TENM2: variants seen among roughly 807,000 people sequenced by gnomAD.
TENM2 encodes the protein teneurin transmembrane protein 2.
In TENM2, 52 loss-of-function variants were observed where a neutral mutation model predicts 245.2. The observed-to-expected ratio is 0.21, with a 90% confidence interval of 0.17 to 0.27. The LOEUF (loss-of-function observed/expected upper bound fraction) is 0.27. TENM2 is among the 10% of genes least tolerant of loss of function. TENM2 has a pLI of 1.00. For missense variants in TENM2, 3,046 were observed against 3,666.8 expected (o/e 0.83, Z 4.37); for synonymous variants, 1,363 against 1,438.9 (o/e 0.95, Z 1.19).
At chr5:167,795,466 A>G (rs1765253315) in intron 2 of TENM2, among the ~76,000 whole-genome samples, 1 of 152,132 alleles carries the variant, frequency 6.6e-6, no homozygotes, top group Admixed American at 6.6e-5. Flanking sequence ...TGGGTTTTGG[A>G]AAAGATGTTA....
chr5:167,074,159 C>G, the TENM2 span, among the ~76,000 whole-genome samples: 1 of 152,132 alleles, frequency 6.6e-6, no homozygotes, highest in South Asian at 2.1e-4. Flanking sequence ...AGAACATCAG[C>G]TACAGCATAT....
At chr5:166,999,507 TGTG>T in the TENM2 span, among the ~76,000 whole-genome samples, 1 of 152,020 alleles carries the variant, frequency 6.6e-6, no homozygotes, top group African/African-American at 2.4e-5. Context: ...AAAAGATCAT[TGTG>T]GTGATTTTGT....
intron 2 of TENM2, among the ~76,000 whole-genome samples, chr5:167,741,930 C>G (rs903703139): frequency 6.6e-6 from 1 of 152,064 alleles, no homozygotes; most frequent in Admixed American, 6.6e-5. Context: ...TTGAAGCCAC[C>G]CTTTTCTGTT....
intron 2 of TENM2, among the ~76,000 whole-genome samples, chr5:167,595,316 G>A (rs536446902): frequency 6.6e-6 from 1 of 152,118 alleles, no homozygotes; most frequent in East Asian, 1.9e-4. Flanking sequence ...AACTCTTAAG[G>A]TGCCAAGAAA....
At chr5:167,230,298 T>C in the TENM2 span, among the ~76,000 whole-genome samples, 2 of 152,198 alleles carry the variant, frequency 1.3e-5, no homozygotes, top group African/African-American at 4.8e-5. Context: ...GGGGGTCTCT[T>C]ACTAAACCTT....
At chr5:168,249,238 C>T (rs1766876302) in intron 27 of TENM2, among the ~76,000 whole-genome samples, 1 of 151,888 alleles carries the variant, frequency 6.6e-6, no homozygotes, top group South Asian at 2.1e-4. Context: ...AATGAGTGAG[C>T]GTAAGTATCG....
the TENM2 span, among the ~76,000 whole-genome samples, chr5:167,158,903 CCTTCCTCTTCCT>C: frequency 7.4e-6 from 1 of 135,968 alleles, no homozygotes; most frequent in Non-Finnish European, 1.6e-5. Context: ...TTCCTTCCTT[CCTTCCTCTTCCT>C]CTCTCTCTCT....
chr5:167,001,531 C>G, the TENM2 span, among the ~76,000 whole-genome samples: 1 of 149,138 alleles, frequency 6.7e-6, no homozygotes, highest in African/African-American at 2.5e-5. Context: ...TGAGATCTAT[C>G]CAAAGTGGAA....
chr5:167,370,182 A>C (rs1760320253), intron 1 of TENM2, among the ~76,000 whole-genome samples: 1 of 152,002 alleles, frequency 6.6e-6, no homozygotes. Flanking sequence ...CTCTACTAAA[A>C]ATACAAAAAA....
the TENM2 span, among the ~76,000 whole-genome samples, chr5:167,223,285 A>G: frequency 6.6e-6 from 1 of 152,034 alleles, no homozygotes; most frequent in Non-Finnish European, 1.5e-5. Flanking sequence ...TATTCCTTCT[A>G]TCAACTTGTT....
intron 3 of TENM2, among the ~76,000 whole-genome samples, chr5:167,878,731 G>A (rs932041943): frequency 7.2e-5 from 11 of 152,290 alleles, no homozygotes; most frequent in Middle Eastern, 3.4e-3. Context: ...AAGATGCAAA[G>A]TGCAGAGCTA....
intron 3 of TENM2, among the ~76,000 whole-genome samples, chr5:167,897,890 G>GTTTTTTTT (rs35680049): frequency 2.2e-5 from 2 of 89,294 alleles, no homozygotes; most frequent in Non-Finnish European, 2.4e-5. Context: ...GTAGTAAATT[G>GTTTTTTTT]TTTTTTTTTT....
At chr5:167,014,973 A>G in the TENM2 span, among the ~76,000 whole-genome samples, 4 of 152,220 alleles carry the variant, frequency 2.6e-5, no homozygotes, top group African/African-American at 9.6e-5. Flanking sequence ...CCTGTTAAAA[A>G]GGTTCTAAAA....
intron 2 of TENM2, among the ~76,000 whole-genome samples, chr5:167,475,327 T>A (rs768395811): frequency 2.6e-5 from 4 of 152,248 alleles, no homozygotes; most frequent in South Asian, 2.1e-4. Flanking sequence ...GAAGTATTGT[T>A]TATGTACATT....
chr5:168,115,144 A>C (rs968266371), intron 9 of TENM2, among the ~76,000 whole-genome samples: 2 of 152,012 alleles, frequency 1.3e-5, no homozygotes, highest in Non-Finnish European at 2.9e-5. Context: ...AAATACAAAA[A>C]TTAGCCGGGC....
chr5:168,054,738 G>C (rs1789395807), intron 6 of TENM2, among the ~76,000 whole-genome samples: 1 of 152,136 alleles, frequency 6.6e-6, no homozygotes, highest in Non-Finnish European at 1.5e-5. Flanking sequence ...TGTTTAACTG[G>C]TTGAAATTTT....
intron 2 of TENM2, among the ~76,000 whole-genome samples, chr5:167,763,987 T>C (rs1582946140): frequency 6.6e-6 from 1 of 152,252 alleles, no homozygotes; most frequent in East Asian, 1.9e-4. Flanking sequence ...TCTCAATCAA[T>C]ACAAGTCAGA....
chr5:167,178,763 A>C, the TENM2 span, among the ~76,000 whole-genome samples: 1 of 152,198 alleles, frequency 6.6e-6, no homozygotes. Flanking sequence ...AATCAAAGTC[A>C]AGTATCTCAA....
intron 2 of TENM2, among the ~76,000 whole-genome samples, chr5:167,583,052 C>T (rs1025833605): frequency 7.9e-5 from 12 of 152,174 alleles, no homozygotes; most frequent in African/African-American, 2.9e-4. Flanking sequence ...TTCTCTGGAA[C>T]ATTCATGCAC....
Sources: allele counts gnomAD v4.1 joint callset (sites outside exome capture counted in the v4.1 genomes callset), GRCh38; gene constraint gnomAD v4.1.1; transcripts MANE v1.5; gene names NCBI Gene and HGNC (gene_info 2026-07-23, HGNC 2026-07-21).